CEP85L: variants seen among roughly 807,000 people sequenced by gnomAD.
CEP85L encodes centrosomal protein 85L, also known as centrosomal protein of 85 kDa-like.
In CEP85L, 60 loss-of-function variants were observed where a neutral mutation model predicts 100.3. That is an observed-to-expected ratio of 0.60 (90% CI 0.49 to 0.74). The LOEUF is 0.74. Ranked by LOEUF, CEP85L falls within the 30% of genes least tolerant of loss-of-function variation. The pLI is 0.00. For missense variants in CEP85L, 973 were observed against 936.2 expected (o/e 1.04, Z -0.51); for synonymous variants, 319 against 322.7 (o/e 0.99, Z 0.12).
chr6:118,620,164 C>T (rs1450800437), intron 2 of CEP85L, among the ~76,000 whole-genome samples: 3 of 152,134 alleles, frequency 2.0e-5, no homozygotes, highest in African/African-American at 7.2e-5. Context: ...TCCCTAACTC[C>T]GGATTCCCTG....
chr6:118,682,771 G>GCACA (rs201043236), intron 1 of CEP85L, among the ~76,000 whole-genome samples: 3,537 of 138,182 alleles, frequency 0.026, 39 homozygotes, highest in Middle Eastern at 0.078. Flanking sequence ...GCCTGAGCAT[G>GCACA]CACACACACA....
At chr6:118,587,457 G>A (rs1016323519) in intron 2 of CEP85L, among the ~76,000 whole-genome samples, 2 of 152,216 alleles carry the variant, frequency 1.3e-5, no homozygotes, top group African/African-American at 4.8e-5. Flanking sequence ...TTTGAGGAGA[G>A]TGCAACAAGG....
intron 2 of CEP85L, among the ~76,000 whole-genome samples, chr6:118,605,814 C>G (rs1376570538): frequency 6.6e-6 from 1 of 152,042 alleles, no homozygotes; most frequent in Admixed American, 6.5e-5. Flanking sequence ...AGATCGAGGC[C>G]ATCCTGGCTA....
At chr6:118,684,937 G>A (rs1251520037) in intron 1 of CEP85L, among the ~76,000 whole-genome samples, 1 of 152,156 alleles carries the variant, frequency 6.6e-6, no homozygotes, top group East Asian at 1.9e-4. Flanking sequence ...CAGGTGTGAA[G>A]CACCGCGCCT....
intron 1 of CEP85L, among the ~76,000 whole-genome samples, chr6:118,676,087 C>T (rs1474320785): frequency 2.6e-5 from 4 of 151,782 alleles, no homozygotes; most frequent in Non-Finnish European, 5.9e-5. Flanking sequence ...TATTATTAGT[C>T]AGCTTGAAAT....
intron 2 of CEP85L, among the ~76,000 whole-genome samples, chr6:118,585,624 T>C (rs1390472002): frequency 2.0e-5 from 3 of 152,180 alleles, no homozygotes; most frequent in Non-Finnish European, 4.4e-5. Flanking sequence ...CAAACTCCCC[T>C]TGACGGCCTC....
intron 2 of CEP85L, among the ~76,000 whole-genome samples, chr6:118,619,794 C>A (rs1773322731): frequency 6.6e-6 from 1 of 152,158 alleles, no homozygotes; most frequent in African/African-American, 2.4e-5. Flanking sequence ...GGAGGGGCAT[C>A]ATGTTGCTCC....
chr6:118,502,109 T>A, intron 5 of CEP85L: 1 of 1,101,264 alleles, frequency 9.1e-7, no homozygotes, highest in Non-Finnish European at 1.3e-6. Flanking sequence ...CCTATGAGAC[T>A]GGGAATGACA....
intron 1 of CEP85L, among the ~76,000 whole-genome samples, chr6:118,635,233 CTG>C (rs1209662777): frequency 6.6e-6 from 1 of 152,054 alleles, no homozygotes; most frequent in Admixed American, 6.5e-5. Context: ...AAAATATAAA[CTG>C]TTAATTAGTT....
At chr6:118,621,811 G>A (rs769876545) in intron 2 of CEP85L, among the ~76,000 whole-genome samples, 12 of 152,244 alleles carry the variant, frequency 7.9e-5, no homozygotes, top group East Asian at 5.8e-4. Flanking sequence ...CCTTGGAATC[G>A]CCGGCTTTTG....
upstream of CEP85L, among the ~76,000 whole-genome samples, chr6:118,653,775 G>GTA (rs1432434119): frequency 6.6e-6 from 1 of 151,216 alleles, no homozygotes; most frequent in African/African-American, 2.4e-5. Context: ...GTGTGTGTGT[G>GTA]TATAAGTATC....
chr6:118,565,643 C>G lies in CEP85L; in HGVS notation c.906G>C (p.Glu302Asp). The G allele has an allele frequency of 6.2e-7, 1 of 1,614,180 alleles. No individual in the cohort carries two copies. Among genetic ancestry groups the G allele is most frequent in the Non-Finnish European group, 8.5e-7 (1 of 1,180,024 alleles). Residue 302 changes from glutamate (E) to aspartate (D), a missense_variant, in exon 3 of 13, where the codon GAG becomes GAC. Glu to Asp is a conservative substitution (Grantham distance 45). This residue lies in a region of CEP85L where 890 missense variants were observed against 844.5 expected (regional missense o/e 1.05). Transcript: ENST00000368491. ...CTTCCAAAGGATTTGTCCGCAGCTG[C>G]TCTGTAAGCCACATCTGAGTCCTTA... is the stretch of plus-strand genomic sequence containing the variant. ...PSVRTQMWLT[E>D]QLRTNPLEGR...
At chr6:118,628,017 G>A (rs550874190) in intron 2 of CEP85L, among the ~76,000 whole-genome samples, 87 of 152,026 alleles carry the variant, frequency 5.7e-4, no homozygotes, top group Non-Finnish European at 1.0e-3. Context: ...CAGGGGCACC[G>A]GCTCACTAAA....
In CEP85L at chr6:118,600,324, T is replaced by G. The variant is rs1324672181; in HGVS notation, c.232+32129A>C. 1.0e-4 allele frequency among the ~76,000 whole-genome samples: 11 copies of G among 109,142 alleles called. No homozygotes were observed. The East Asian group carries it at 1.1e-3, about 11-fold the overall frequency. The allele number at this position is 109,142 out of a possible 152,430, so 71.6% of individuals were successfully genotyped here. A position where few individuals can be genotyped will look rare whatever the true frequency, so the allele number is the denominator to read the frequency against. The stretch of plus-strand genomic sequence containing the variant: ...GGGTGTGTGTGTGTGTGTGTGTGTG[T>G]GTGTGTGTGTGTGTGTGTGTGTGTG... On this transcript the variant is annotated intron_variant, in intron 2 of 12. Transcript: ENST00000368491.
In CEP85L at chr6:118,624,306, G is replaced by A. The variant is rs147468614; in HGVS notation, c.232+8147C>T. On this transcript the variant is annotated intron_variant, in intron 2 of 12. Transcript: ENST00000368491. Reference sequence around the variant, plus strand: ...CAGTATACTAACCATACCCTTTGCAGTAGGATTATATACTGTAGCTCCTGC... The same window carrying A: ...CAGTATACTAACCATACCCTTTGCAATAGGATTATATACTGTAGCTCCTGC... Among the ~76,000 whole-genome samples, 222 of 152,174 alleles carry A rather than the reference G, an allele frequency of 1.5e-3. 1 individual carries two copies. The highest frequency in any genetic ancestry group is 5.1e-3 in the African/African-American group (212 of 41,514).
At chr6:118,616,974 G>T (rs1360663474) in intron 2 of CEP85L, among the ~76,000 whole-genome samples, 1 of 151,028 alleles carries the variant, frequency 6.6e-6, no homozygotes, top group South Asian at 2.1e-4. Flanking sequence ...GGTAGGAGGG[G>T]ATCACTTGAG....
intron 3 of CEP85L, chr6:118,558,871 T>C: frequency 6.8e-7 from 1 of 1,475,236 alleles, no homozygotes; most frequent in South Asian, 1.1e-5. Context: ...GCCAGCTTTT[T>C]ATCTTTCTCT....
At chr6:118,590,539 G>C (rs752430236) in intron 2 of CEP85L, among the ~76,000 whole-genome samples, 1 of 151,916 alleles carries the variant, frequency 6.6e-6, no homozygotes, top group Non-Finnish European at 1.5e-5. Flanking sequence ...TTTTTTTGGC[G>C]GGTTAAGTGA....
At position 118,632,610 on chromosome 6, in the gene CEP85L, G is replaced by C; in HGVS notation, c.75C>G (p.Gly25=). ...GTAGCCATGCTGATGAATAATCTGGGCCTAAAAAGGGAAATATGTAACAGT... is the reference window on the plus strand; with the variant it reads ...GTAGCCATGCTGATGAATAATCTGGCCCTAAAAAGGGAAATATGTAACAGT... ...SPGGARSFPA[G]PDYSSAWLPA... The change falls in exon 2 of 13, where the codon GGC becomes GGG. Residue 25 remains glycine (G), a splice_region_variant and synonymous_variant. Coordinates refer to ENST00000368491, the MANE Select transcript of CEP85L (RefSeq NM_001042475.3). 1 of 1,604,976 alleles carries C rather than the reference G, an allele frequency of 6.2e-7. No individual in the cohort carries two copies. Among genetic ancestry groups the C allele is most frequent in the South Asian group, 1.1e-5 (1 of 88,628 alleles).
Sources: gnomAD v4.1 joint callset for allele counts (sites outside exome capture counted in the v4.1 genomes callset) on GRCh38, gnomAD v4.1.1 for gene constraint, gnomAD v4.1.1 regional missense constraint, MANE v1.5 for transcripts, NCBI Gene and HGNC (gene_info 2026-07-23, HGNC 2026-07-21) for gene names.